Variants in PHACTR4 observed in about 807,000 individuals in gnomAD.
PHACTR4 encodes phosphatase and actin regulator 4, also known as protein phosphatase 1, regulatory subunit 124.
Under a neutral mutation model 72.7 loss-of-function variants are expected in PHACTR4, and 51 were observed. The observed-to-expected ratio is 0.70, with a 90% CI of 0.56 to 0.89. The LOEUF is 0.89. Among genes scored for constraint, PHACTR4 ranks in the 40% least tolerant of loss-of-function variants. The probability of loss-of-function intolerance (pLI) is 0.00; values close to 1 mark genes in which losing one functional copy is unlikely to be tolerated. For synonymous variants in PHACTR4, 255 were observed against 302.5 expected (o/e 0.84, Z 1.63); for missense variants, 731 against 861.8 (o/e 0.85, Z 1.90).
intron 4 of PHACTR4, among the ~76,000 whole-genome samples, chr1:28,465,022 A>G (rs548577422): frequency 4.3e-4 from 65 of 152,222 alleles, no homozygotes; most frequent in African/African-American, 1.4e-3. Context: ...TCTTATTCAT[A>G]TAACAACGTA....
intron 1 of PHACTR4, among the ~76,000 whole-genome samples, chr1:28,373,111 C>T (rs1651368240): frequency 6.6e-6 from 1 of 151,860 alleles, no homozygotes; most frequent in South Asian, 2.1e-4. Context: ...GTGCACACTA[C>T]CACACTTGGC....
intron 1 of PHACTR4, among the ~76,000 whole-genome samples, chr1:28,386,858 G>A: frequency 6.6e-6 from 1 of 152,306 alleles, no homozygotes; most frequent in Non-Finnish European, 1.5e-5. Flanking sequence ...TCTTACACTA[G>A]TGTTGATGAT....
chr1:28,483,091 G>A (rs889719692), intron 9 of PHACTR4, among the ~76,000 whole-genome samples: 2 of 151,698 alleles, frequency 1.3e-5, no homozygotes, highest in African/African-American at 4.8e-5. Flanking sequence ...TATGACCTCT[G>A]TGGTCTGACT....
intron 8 of PHACTR4, among the ~76,000 whole-genome samples, chr1:28,479,026 C>G (rs1439521514): frequency 6.6e-6 from 1 of 152,128 alleles, no homozygotes; most frequent in Non-Finnish European, 1.5e-5. Flanking sequence ...CTAAGTGCCT[C>G]TAATCCCAGC....
At chr1:28,474,762 C>T (rs953310548) in intron 7 of PHACTR4, among the ~76,000 whole-genome samples, 6 of 151,590 alleles carry the variant, frequency 4.0e-5, no homozygotes, top group African/African-American at 1.2e-4. Context: ...AGGCTGGTCT[C>T]GAACTCCTGA....
intron 8 of PHACTR4, among the ~76,000 whole-genome samples, chr1:28,477,462 C>T (rs564956980): frequency 5.3e-5 from 8 of 151,868 alleles, no homozygotes; most frequent in Non-Finnish European, 1.0e-4. Context: ...CATGAGCCAC[C>T]GTGCCTAGCC....
chr1:28,430,629 G>C (rs1285960368), intron 2 of PHACTR4, among the ~76,000 whole-genome samples: 1 of 152,148 alleles, frequency 6.6e-6, no homozygotes, highest in East Asian at 1.9e-4. Flanking sequence ...ATGTATTTGT[G>C]TGATTTGCTA....
chr1:28,455,615 A>ACTGAACTTAGGACCCTAGG (rs1487100960), intron 2 of PHACTR4, among the ~76,000 whole-genome samples: 2 of 152,112 alleles, frequency 1.3e-5, no homozygotes, highest in African/African-American at 4.8e-5. Flanking sequence ...AACACACCTG[A>ACTGAACTTAGGACCCTAGG]CTGACCTTAG....
Position 28,433,108 on chromosome 1 carries a change from C to T in PHACTR4, c.16+25645C>T, listed in dbSNP as rs975215422. ...ATCACAAATTTTAATTCTGCTACTT[C>T]CCCTTGAGGGACTAAGCTGGGGAGA... is the stretch of plus-strand genomic sequence containing the variant. On this transcript the variant is annotated intron_variant, in intron 2 of 13. Coordinates refer to ENST00000373839, the MANE Select transcript of PHACTR4 (RefSeq NM_001048183.3). The T allele has an allele frequency of 4.1e-6, 4 of 984,294 alleles. No individual in the cohort carries two copies. In the Admixed American group the frequency reaches 2.5e-4, roughly 61 times the overall value. The allele number at this position is 984,294 out of a possible 1,614,324, so 61.0% of individuals were successfully genotyped here.
intron 2 of PHACTR4, among the ~76,000 whole-genome samples, chr1:28,446,136 T>C (rs1324809277): frequency 1.3e-5 from 2 of 152,222 alleles, no homozygotes; most frequent in Non-Finnish European, 2.9e-5. Context: ...GTAAATGCTT[T>C]CTTTTAAAAA....
chr1:28,489,079 A>G (rs1311199981), intron 9 of PHACTR4, 91 bp from the exon 10 acceptor site: 19 of 831,660 alleles, frequency 2.3e-5, no homozygotes, highest in Non-Finnish European at 3.4e-5. Flanking sequence ...TTACTTATAT[A>G]GGGGCTAATA....
Position 28,448,780 on chromosome 1 carries a change from A to AAC in PHACTR4, c.17-10304_17-10303insCA, listed in dbSNP as rs1553195453. 1.1e-3 allele frequency among the ~76,000 whole-genome samples: 143 copies of AAC among 134,446 alleles called. 7 individuals carry two copies. Among genetic ancestry groups the AAC allele is most frequent in the African/African-American group, 4.7e-3 (139 of 29,464 alleles). 88.2% of individuals were successfully genotyped at this position (134,446 alleles called of 152,430 possible). A position where few individuals can be genotyped will look rare whatever the true frequency, so the allele number is the denominator to read the frequency against. On this transcript the variant is annotated intron_variant, in intron 2 of 13. Transcript: ENST00000373839. ...CCATCTCAAAAAAAAAAAAAAAAAA[A>AAC]AAAAACCTGATAAGGTGTAAAACAT...
chr1:28,413,718 C>G (rs1654923190), intron 2 of PHACTR4, among the ~76,000 whole-genome samples: 1 of 152,046 alleles, frequency 6.6e-6, no homozygotes, highest in African/African-American at 2.4e-5. Context: ...CCTGCATAGT[C>G]TCTTTTTTTC....
At chr1:28,382,429 G>A (rs553841948) in intron 1 of PHACTR4, among the ~76,000 whole-genome samples, 4 of 151,194 alleles carry the variant, frequency 2.6e-5, no homozygotes, top group East Asian at 3.9e-4. Flanking sequence ...TCAGCCTCCC[G>A]AGTAGCTGGG....
chr1:28,477,391 T>C (rs1435405408), intron 8 of PHACTR4, among the ~76,000 whole-genome samples: 3 of 151,836 alleles, frequency 2.0e-5, no homozygotes, highest in East Asian at 1.9e-4. Context: ...CAGGCTGTTA[T>C]TGAACTCCTG....
intron 1 of PHACTR4, among the ~76,000 whole-genome samples, chr1:28,371,055 G>C (rs149102725): frequency 4.6e-5 from 7 of 152,334 alleles, no homozygotes; most frequent in African/African-American, 1.7e-4. Flanking sequence ...AATGGTAACT[G>C]TGTATGTCCT....
chr1:28,392,274 C>G (rs1653114420), intron 1 of PHACTR4, among the ~76,000 whole-genome samples: 1 of 152,100 alleles, frequency 6.6e-6, no homozygotes, highest in Non-Finnish European at 1.5e-5. Context: ...TAGTAGCAGA[C>G]TTGGTTGTCA....
intron 6 of PHACTR4, among the ~76,000 whole-genome samples, chr1:28,468,592 C>CA (rs201324391): frequency 2.7e-5 from 4 of 149,950 alleles, no homozygotes; most frequent in Non-Finnish European, 4.5e-5. Context: ...AACTCCATCT[C>CA]AAAAAAAAAG....
chr1:28,471,688 T>G (rs980405391), intron 6 of PHACTR4, among the ~76,000 whole-genome samples: 5 of 152,108 alleles, frequency 3.3e-5, no homozygotes, highest in Non-Finnish European at 7.4e-5. Context: ...CATTGTGGGC[T>G]TTGGTGAAAC....
Sources: allele counts gnomAD v4.1 joint callset (sites outside exome capture counted in the v4.1 genomes callset), GRCh38; gene constraint gnomAD v4.1.1; transcripts MANE v1.5; gene names NCBI Gene and HGNC (gene_info 2026-07-23, HGNC 2026-07-21).